NASP: variants seen among roughly 807,000 people sequenced by gnomAD.
NASP encodes the protein NASP histone chaperone.
In NASP, 24 loss-of-function variants were observed where a neutral mutation model predicts 89.5. The observed-to-expected ratio is 0.27, with a 90% CI of 0.19 to 0.38. The LOEUF is 0.38. NASP is among the 10% of genes least tolerant of loss of function. NASP has a pLI of 1.00. For synonymous variants in NASP, 306 were observed against 324.7 expected, an observed-to-expected ratio of 0.94 and a Z score of 0.62; for missense variants, 848 against 921.4, an observed-to-expected ratio of 0.92 and a Z score of 1.03.
intron 4 of NASP, 133 bp downstream of exon 4, chr1:45,605,149 G>C (rs1643891648): frequency 4.3e-6 from 3 of 701,264 alleles, no homozygotes; most frequent in Non-Finnish European, 7.5e-6. Flanking sequence ...GATGGAAGTT[G>C]TGAATGGCAC....
At chr1:45,606,777 A>G (rs1643915009) in intron 5 of NASP, 186 bp downstream of exon 5, 3 of 459,124 alleles carry the variant, frequency 6.5e-6, no homozygotes, top group Non-Finnish European at 1.2e-5. Flanking sequence ...GATTTTTGAA[A>G]GAGAATAACT....
intron 1 of NASP, among the ~76,000 whole-genome samples, chr1:45,586,284 G>GGTGTGT (rs202167906): frequency 3.0e-5 from 3 of 100,474 alleles, no homozygotes; most frequent in Admixed American, 1.0e-4. Context: ...GTGTGTGTGT[G>GGTGTGT]GTGTGTGTGT....
rs779535697 is a variant in NASP, at chr1:45,616,680, A to G, written c.2134A>G (p.Ile712Val). ...GASSSNCVTD[I>V]SHLVRKKRKP... ...TTCCTCATCAAATTGTGTGACTGAT[A>G]TTTCCCACCTTGTCAGAAAGAAGGT... The change falls in exon 13 of 15, where the codon ATT becomes GTT. Residue 712 changes from isoleucine (I) to valine (V), a missense_variant. Ile to Val is a conservative substitution (Grantham distance 29, BLOSUM62 3). This residue lies in a region of NASP where 218 missense variants were observed against 219.6 expected (regional missense o/e 0.99). Coordinates refer to ENST00000350030, the MANE Select transcript of NASP (RefSeq NM_002482.4). 2 of 1,613,972 alleles carry G rather than the reference A, an allele frequency of 1.2e-6. No homozygotes were observed. Among genetic ancestry groups the G allele is most frequent in the Non-Finnish European group, 1.7e-6 (2 of 1,179,818 alleles).
intron 1 of NASP, among the ~76,000 whole-genome samples, chr1:45,586,288 T>TGTGTGTGTG (rs1644544802): frequency 2.1e-5 from 2 of 95,780 alleles, no homozygotes; most frequent in Admixed American, 1.0e-4. Context: ...GTGTGTGGTG[T>TGTGTGTGTG]GTGTGTGTGT....
At chr1:45,585,358 C>T (rs1229124240) in intron 1 of NASP, among the ~76,000 whole-genome samples, 1 of 152,078 alleles carries the variant, frequency 6.6e-6, no homozygotes, top group African/African-American at 2.4e-5. Flanking sequence ...TATAGGCTTA[C>T]ACTCTGTCAT....
At chr1:45,586,404 G>GCCT (rs955495912) in intron 1 of NASP, among the ~76,000 whole-genome samples, 4 of 151,868 alleles carry the variant, frequency 2.6e-5, no homozygotes, top group Non-Finnish European at 5.9e-5. Context: ...TCCGGCCTCA[G>GCCT]CCTCCCGAGT....
intron 2 of NASP, among the ~76,000 whole-genome samples, chr1:45,597,761 A>ACACCAGCAT (rs1480426212): frequency 6.6e-6 from 1 of 152,172 alleles, no homozygotes; most frequent in African/African-American, 2.4e-5. Context: ...CTCTTACATA[A>ACACCAGCAT]CACCAGCATC....
rs983818293 is a variant in NASP at position 45,618,345 on chromosome 1, C to G, written c.*204C>G. On this transcript the variant is annotated 3_prime_UTR_variant, in exon 15 of 15. Coordinates refer to ENST00000350030, the MANE Select transcript of NASP (RefSeq NM_002482.4). ...TAGCCAAAGGTTTTGTTCTGGCCTT[C>G]TGTACTGATCTGTGTTCCTGATCCT... The G allele has an allele frequency of 2.5e-5, 12 of 472,156 alleles. No homozygotes were observed. The highest frequency in any genetic ancestry group is 4.8e-5 in the Non-Finnish European group (12 of 252,190). The allele number at this position is 472,156 out of a possible 1,614,324, so 29.2% of individuals were successfully genotyped here. A position where few individuals can be genotyped will look rare whatever the true frequency, so the allele number is the denominator to read the frequency against.
chr1:45,617,989 GAGGCCTC>G (rs1644136016), intron 14 of NASP, 65 bp from the exon 15 acceptor site: 3 of 1,360,950 alleles, frequency 2.2e-6, no homozygotes, highest in Non-Finnish European at 3.1e-6. Flanking sequence ...TCCTATGACT[GAGGCCTC>G]AGTTATATAA....
At chr1:45,591,180 G>T in intron 1 of NASP, 43 bp from the exon 2 acceptor site, 4 of 1,174,352 alleles carry the variant, frequency 3.4e-6, no homozygotes, top group South Asian at 3.0e-5. Flanking sequence ...CTTAATAATT[G>T]CCTCCAGTTT....
intron 6 of NASP, 42 bp from the exon 7 acceptor site, chr1:45,613,127 T>C: frequency 3.2e-6 from 5 of 1,582,166 alleles, no homozygotes; most frequent in Non-Finnish European, 4.3e-6. Flanking sequence ...TCAGAATACG[T>C]TCTTAGTTAT....
Position 45,616,367 on chromosome 1 carries a change from G to A in NASP, c.2053G>A (p.Gly685Ser). 6.2e-7 allele frequency: 1 copy of A among 1,614,156 alleles called. No individual in the cohort carries two copies. The highest frequency in any genetic ancestry group is 8.5e-7 in the Non-Finnish European group (1 of 1,180,004). The change falls in exon 12 of 15, where the codon GGT becomes AGT. Residue 685 changes from glycine to serine, a missense_variant. Gly to Ser is a moderately conservative substitution (Grantham distance 56, BLOSUM62 0). Transcript: ENST00000350030. Reference protein sequence around the residue: ...VESSTSGFTPGGGGSSVSMIA... With the variant: ...VESSTSGFTPSGGGSSVSMIA... Reference sequence around the variant, plus strand: ...GAGTTCTACTTCAGGTTTCACTCCTGGTGGAGGAGGCTCTTCAGTCTCCAT... The same window carrying A: ...GAGTTCTACTTCAGGTTTCACTCCTAGTGGAGGAGGCTCTTCAGTCTCCAT...
Position 45,607,471 on chromosome 1 carries a change from A to T in NASP, c.560A>T (p.Asp187Val). The change falls in exon 6 of 15, where the codon GAT becomes GTT. Residue 187 changes from aspartate (D) to valine (V), a missense_variant. Physicochemically the swap from Asp to Val is radical, Grantham distance 152. Transcript: ENST00000350030. ...EMEKGGREDM[D>V]ISKSAEEPQE... ...GAGAAGGGTGGAAGAGAAGATATGG[A>T]TATAAGTAAATCTGCAGAGGAGCCA... is the stretch of plus-strand genomic sequence containing the variant. 1 of 1,613,830 alleles carries T rather than the reference A, an allele frequency of 6.2e-7. No individual in the cohort carries two copies. Among genetic ancestry groups the T allele is most frequent in the Non-Finnish European group, 8.5e-7 (1 of 1,179,964 alleles).
chr1:45,584,819 G>C (rs1258205231), intron 1 of NASP, among the ~76,000 whole-genome samples: 1 of 152,198 alleles, frequency 6.6e-6, no homozygotes, highest in Non-Finnish European at 1.5e-5. Context: ...CAGGAGCTTT[G>C]GACTATCTCC....
At chr1:45,592,442 T>C (rs572448954) in intron 2 of NASP, among the ~76,000 whole-genome samples, 32 of 152,290 alleles carry the variant, frequency 2.1e-4, no homozygotes, top group South Asian at 1.0e-3. Flanking sequence ...GAGATAAAAT[T>C]TGGGTTCATG....
chr1:45,597,729 T>G (rs910546109), intron 2 of NASP, among the ~76,000 whole-genome samples: 38 of 152,292 alleles, frequency 2.5e-4, no homozygotes, highest in African/African-American at 8.7e-4. Context: ...GTGTAAAGGA[T>G]CCTGACATCA....
At chr1:45,595,002 T>TC (rs1000346919) in intron 2 of NASP, among the ~76,000 whole-genome samples, 7 of 152,104 alleles carry the variant, frequency 4.6e-5, no homozygotes, top group South Asian at 2.1e-4. Flanking sequence ...TTCTTTTTTT[T>TC]CCCCCCTTGA....
At chr1:45,614,017 T>C (rs1644061236) in intron 7 of NASP, 79 bp from the exon 8 acceptor site, 3 of 1,193,014 alleles carry the variant, frequency 2.5e-6, no homozygotes, top group Admixed American at 4.3e-5. Context: ...ATCAACTTTT[T>C]TTAAGCTACG....
chr1:45,597,532 T>TA (rs774608836), intron 2 of NASP, among the ~76,000 whole-genome samples: 1 of 152,188 alleles, frequency 6.6e-6, no homozygotes, highest in Non-Finnish European at 1.5e-5. Context: ...TGTAAAAATG[T>TA]AAAACAGTGC....
Sources: gnomAD v4.1 joint callset for allele counts (sites outside exome capture counted in the v4.1 genomes callset) on GRCh38, gnomAD v4.1.1 for gene constraint, gnomAD v4.1.1 regional missense constraint, MANE v1.5 for transcripts, NCBI Gene and HGNC (gene_info 2026-07-23, HGNC 2026-07-21) for gene names.